TOX: variants seen among roughly 807,000 people sequenced by gnomAD.
The protein encoded by TOX is thymocyte selection associated high mobility group box.
TOX carries 11 observed loss-of-function variants against 53.7 expected under a neutral mutation model. The observed-to-expected ratio is 0.20, with a 90% confidence interval of 0.13 to 0.34. The LOEUF (loss-of-function observed/expected upper bound fraction) is 0.34. Ranked by LOEUF, TOX falls within the 10% of genes least tolerant of loss-of-function variation. The pLI, the probability that TOX is intolerant of heterozygous loss-of-function variation, is 1.00. For synonymous variants in TOX, 225 were observed against 245.3 expected (o/e 0.92, Z 0.77); for missense variants, 570 against 664.6 (o/e 0.86, Z 1.56).
chr8:59,064,735 T>C (rs1804056552), intron 1 of TOX, among the ~76,000 whole-genome samples: 1 of 152,200 alleles, frequency 6.6e-6, no homozygotes, highest in African/African-American at 2.4e-5. Context: ...CCTTAACATA[T>C]TCTACATTTT....
chr8:58,855,515 T>C (rs545126347), intron 3 of TOX, among the ~76,000 whole-genome samples: 2 of 152,318 alleles, frequency 1.3e-5, no homozygotes, highest in South Asian at 4.2e-4. Flanking sequence ...GGGTCTACCC[T>C]GAAACATCAA....
At chr8:58,826,374 C>T (rs58685399) in intron 6 of TOX, among the ~76,000 whole-genome samples, 2,501 of 152,172 alleles carry the variant, frequency 0.016, 58 homozygotes, top group African/African-American at 0.053. Context: ...TATTTTTAAG[C>T]GGTGTTTTTA....
chr8:58,943,623 A>C (rs980543367), intron 2 of TOX, among the ~76,000 whole-genome samples: 3 of 151,706 alleles, frequency 2.0e-5, no homozygotes, highest in African/African-American at 7.3e-5. Context: ...TCTAAAAAAA[A>C]AAAAAAACAA....
intron 1 of TOX, among the ~76,000 whole-genome samples, chr8:59,102,288 G>A (rs1033432349): frequency 6.6e-6 from 1 of 151,974 alleles, no homozygotes; most frequent in African/African-American, 2.4e-5. Context: ...AGTACAGTGG[G>A]GCTATCTCCA....
At chr8:59,023,560 C>T (rs569806564) in intron 1 of TOX, among the ~76,000 whole-genome samples, 172 of 152,234 alleles carry the variant, frequency 1.1e-3, no homozygotes, top group African/African-American at 4.0e-3. Context: ...ATAAAGGACC[C>T]TATTATTTTT....
At chr8:58,959,796 C>T (rs1812771329) in intron 2 of TOX, 147 bp downstream of exon 2, 5 of 919,386 alleles carry the variant, frequency 5.4e-6, no homozygotes, top group Admixed American at 4.2e-5. Flanking sequence ...ATCTCATTAA[C>T]TGGAAACAAG....
chr8:59,089,423 G>A (rs1013565218), intron 1 of TOX, among the ~76,000 whole-genome samples: 1 of 152,164 alleles, frequency 6.6e-6, no homozygotes, highest in Non-Finnish European at 1.5e-5. Context: ...GGTACACTGA[G>A]TTAAGAGTTC....
At chr8:58,933,484 C>CT (rs768069218) in intron 3 of TOX, among the ~76,000 whole-genome samples, 4 of 149,780 alleles carry the variant, frequency 2.7e-5, no homozygotes, top group African/African-American at 9.9e-5. Flanking sequence ...AGCAATATCA[C>CT]TTTTTTTTAA....
In TOX at chr8:58,807,190, T is replaced by C. The variant is rs1293915035; in HGVS notation, c.*557A>G. The C allele has an allele frequency of 6.6e-6, 1 of 152,610 alleles. No individual in the cohort carries two copies. The highest frequency in any genetic ancestry group is 2.4e-5 in the African/African-American group (1 of 41,448). 9.5% of individuals were successfully genotyped at this position (152,610 alleles called of 1,614,324 possible). A position where few individuals can be genotyped will look rare whatever the true frequency, so the allele number is the denominator to read the frequency against. ...AAATATAGAACTATCAGTCAGTTGT[T>C]TTAAAAATGAAGTAAAAATATGAAT... is the stretch of plus-strand genomic sequence containing the variant. On this transcript the variant is annotated 3_prime_UTR_variant, in exon 9 of 9. Coordinates refer to ENST00000361421, the MANE Select transcript of TOX (RefSeq NM_014729.3).
intron 3 of TOX, among the ~76,000 whole-genome samples, chr8:58,924,259 G>A (rs547012426): frequency 6.6e-6 from 1 of 152,270 alleles, no homozygotes; most frequent in South Asian, 2.1e-4. Context: ...GACATGTGAA[G>A]GTGCAGAAGA....
chr8:58,838,434 T>A, intron 4 of TOX, 123 bp from the exon 5 acceptor site: 1 of 727,508 alleles, frequency 1.4e-6, no homozygotes, highest in Non-Finnish European at 2.3e-6. Context: ...CAGGCTTTTC[T>A]AAGGGACACA....
In TOX at chr8:59,019,668, G is replaced by T. The variant is rs116343786; in HGVS notation, c.103-59660C>A. Among the ~76,000 whole-genome samples the T allele has an allele frequency of 2.3e-3, 347 of 152,250 alleles. 2 individuals carry two copies. Among genetic ancestry groups the T allele is most frequent in the African/African-American group, 7.2e-3 (299 of 41,546 alleles). ...GGGTTTACTCTTGTCATTTCATATA[G>T]ATACAAATCATTTAGAACAACAGAT... is the stretch of plus-strand genomic sequence containing the variant. On this transcript the variant is annotated intron_variant, in intron 1 of 8. Coordinates refer to ENST00000361421, the MANE Select transcript of TOX (RefSeq NM_014729.3).
intron 3 of TOX, among the ~76,000 whole-genome samples, chr8:58,885,638 T>C (rs1811453796): frequency 6.6e-6 from 1 of 152,148 alleles, no homozygotes; most frequent in Non-Finnish European, 1.5e-5. Flanking sequence ...CGCCTGTTCT[T>C]GGCTAATGTT....
chr8:59,074,916 A>C (rs565046476), intron 1 of TOX, among the ~76,000 whole-genome samples: 1 of 152,304 alleles, frequency 6.6e-6, no homozygotes. Context: ...GGGAAAATTA[A>C]ATTGTCACTA....
Position 58,806,395 on chromosome 8 carries a change from A to G in TOX, c.*1352T>C, listed in dbSNP as rs1159502630. ...TTTGTGAAAAGCATGCAGCTTGAGG[A>G]AGTTTGGTTTGACTTTTACTTTTTT... is the stretch of plus-strand genomic sequence containing the variant. On this transcript the variant is annotated 3_prime_UTR_variant, in exon 9 of 9. Transcript: ENST00000361421. The G allele has an allele frequency of 6.6e-6, 1 of 151,066 alleles. No individual in the cohort carries two copies. Among genetic ancestry groups the G allele is most frequent in the Non-Finnish European group, 1.5e-5 (1 of 67,866 alleles). The allele number at this position is 151,066 out of a possible 1,614,324, so 9.4% of individuals were successfully genotyped here. A position where few individuals can be genotyped will look rare whatever the true frequency, so the allele number is the denominator to read the frequency against.
chr8:58,998,099 A>G lies in TOX; in HGVS notation c.103-38091T>C, dbSNP rs1449164037. Among the ~76,000 whole-genome samples, 3 of 152,248 alleles carry G rather than the reference A, an allele frequency of 2.0e-5. No homozygotes were observed. The East Asian group carries it at 5.8e-4, about 29-fold the overall frequency. On this transcript the variant is annotated intron_variant, in intron 1 of 8. Transcript: ENST00000361421. Reference sequence around the variant, plus strand: ...TAATTACATAAATGCTCAGACTTGCATATCAGATGTAATATTTTTCTCATG... The same window carrying G: ...TAATTACATAAATGCTCAGACTTGCGTATCAGATGTAATATTTTTCTCATG...
intron 3 of TOX, among the ~76,000 whole-genome samples, chr8:58,865,827 C>CTTTTTTTT (rs768072284): frequency 4.4e-5 from 4 of 91,332 alleles, no homozygotes; most frequent in Non-Finnish European, 6.6e-5. Context: ...ATGACAGTGG[C>CTTTTTTTT]TTTTTTTTTT....
rs931655485 is a variant in TOX at position 59,118,682 on chromosome 8, C to T, written c.102+204G>A. ...GAATCCGAGCAAATCGTGTCACTTT[C>T]CGCACAATCGCGGTGTTTGGCAAGC... On this transcript the variant is annotated intron_variant, in intron 1 of 8. Transcript: ENST00000361421. The surrounding 1 kb of genome is among the most constrained non-coding windows in gnomAD (Gnocchi z 4.1). 1.3e-5 allele frequency among the ~76,000 whole-genome samples: 2 copies of T among 152,198 alleles called. No homozygotes were observed. Among genetic ancestry groups the T allele is most frequent in the Non-Finnish European group, 2.9e-5 (2 of 68,028 alleles).
At chr8:58,864,155 T>C (rs568906239) in intron 3 of TOX, among the ~76,000 whole-genome samples, 2 of 152,218 alleles carry the variant, frequency 1.3e-5, no homozygotes, top group East Asian at 3.9e-4. Flanking sequence ...AAAACAATCA[T>C]GTGGCCTTTC....
Sources: gnomAD v4.1 joint callset for allele counts (sites outside exome capture counted in the v4.1 genomes callset) on GRCh38, gnomAD v4.1.1 for gene constraint, Gnocchi (gnomAD v3.1) non-coding constraint, MANE v1.5 for transcripts, NCBI Gene and HGNC (gene_info 2026-07-23, HGNC 2026-07-21) for gene names.